The following MAP3K14 variants were observed in gnomAD, a reference collection of about 807,000 sequenced individuals.
MAP3K14 encodes mitogen-activated protein kinase kinase kinase 14, also known as NF-kappa-beta-inducing kinase.
MAP3K14 carries 16 observed loss-of-function variants against 99.2 expected under a neutral mutation model. That is an observed-to-expected ratio of 0.16 (90% CI 0.11 to 0.24). The LOEUF (loss-of-function observed/expected upper bound fraction) is 0.24, where lower values mean the gene tolerates loss of function less well. Ranked by LOEUF, MAP3K14 falls within the 10% of genes least tolerant of loss-of-function variation. The pLI is 1.00. For synonymous variants in MAP3K14, 462 were observed against 492.4 expected, an observed-to-expected ratio of 0.94 and a Z score of 0.82; for missense variants, 784 against 1,208.7, an observed-to-expected ratio of 0.65 and a Z score of 5.21.
At chr17:45,298,441 C>T (rs2044362110) in intron 1 of MAP3K14, among the ~76,000 whole-genome samples, 1 of 152,162 alleles carries the variant, frequency 6.6e-6, no homozygotes, top group South Asian at 2.1e-4. Context: ...CAGCTAGATG[C>T]TGACTAAAAG....
chr17:45,280,744 G>C (rs1234218803), intron 6 of MAP3K14, among the ~76,000 whole-genome samples: 1 of 151,146 alleles, frequency 6.6e-6, no homozygotes, highest in Non-Finnish European at 1.5e-5. Flanking sequence ...CGAGTAGTTA[G>C]TATTACAGGC....
intron 8 of MAP3K14, 40 bp from the exon 9 acceptor site, chr17:45,273,647 C>A: frequency 2.0e-6 from 3 of 1,511,906 alleles, no homozygotes; most frequent in Middle Eastern, 1.7e-4. Context: ...ACAGGTGAGT[C>A]ATGCCGGGTC....
intron 10 of MAP3K14, 54 bp downstream of exon 10, chr17:45,271,004 G>A: frequency 6.3e-7 from 1 of 1,581,888 alleles, no homozygotes; most frequent in Non-Finnish European, 8.6e-7. Context: ...CTGCAGCCTG[G>A]GCCCCAGGGC....
chr17:45,271,216 A>T lies in MAP3K14; in HGVS notation c.1663T>A (p.Tyr555Asn). The change falls in exon 10 of 16, where the codon TAC (tyrosine) becomes AAC (asparagine). Residue 555 changes from tyrosine (Y) to asparagine (N), a missense_variant. This residue lies in a region of MAP3K14 where 200 missense variants were observed against 367.9 expected (regional missense o/e 0.54). Coordinates refer to ENST00000344686, the MANE Select transcript of MAP3K14 (RefSeq NM_003954.5). ...ATGTGGGTCTCTGTGCCAGGGATGT[A>T]GTCCCCTGAGAAGGGGGATGAGACA... ...GLGKSLLTGD[Y>N]IPGTETHMAP... is the part of the protein sequence containing the mutation. 1 of 1,607,644 alleles carries T rather than the reference A, an allele frequency of 6.2e-7. No homozygotes were observed. Among genetic ancestry groups the T allele is most frequent in the African/African-American group, 1.3e-5 (1 of 74,640 alleles).
chr17:45,292,787 C>T (rs1459197276), intron 1 of MAP3K14, among the ~76,000 whole-genome samples: 1 of 152,200 alleles, frequency 6.6e-6, no homozygotes, highest in African/African-American at 2.4e-5. Flanking sequence ...AGTCTCCAAA[C>T]CTAACAGCAG....
chr17:45,268,426 A>AT (rs553463334), intron 11 of MAP3K14: 98 of 151,704 alleles, frequency 6.5e-4, no homozygotes, highest in African/African-American at 2.3e-3. Context: ...TTTTATTTTT[A>AT]TTTTTTTAAA....
rs549960630 is a variant in MAP3K14 at position 45,285,967 on chromosome 17, T to TA, written c.1152+463dup. On this transcript the variant is annotated intron_variant, in intron 5 of 15. Coordinates refer to ENST00000344686, the MANE Select transcript of MAP3K14 (RefSeq NM_003954.5). ...ACTCTGTCTCAAAAAACACATTTAT[T>TA]AAAAAAAAAAAAAAAAAGTGGATGG... is the stretch of plus-strand genomic sequence containing the variant. Among the ~76,000 whole-genome samples the TA allele has an allele frequency of 4.7e-3, 584 of 125,444 alleles. 2 individuals carry two copies. The highest frequency in any genetic ancestry group is 6.2e-3 in the Non-Finnish European group (350 of 56,348). The allele number at this position is 125,444 out of a possible 152,430, so 82.3% of individuals were successfully genotyped here. A position where few individuals can be genotyped will look rare whatever the true frequency, so the allele number is the denominator to read the frequency against.
At position 45,270,384 on chromosome 17, in the gene MAP3K14, C is replaced by T. The variant is rs553873223; in HGVS notation, c.1972+29G>A. 29 of 1,600,854 alleles carry T rather than the reference C, an allele frequency of 1.8e-5. No individual in the cohort carries two copies. The East Asian group carries it at 2.7e-4, about 15-fold the overall frequency. On this transcript the variant is annotated intron_variant, in intron 11 of 15. Coordinates refer to ENST00000344686, the MANE Select transcript of MAP3K14 (RefSeq NM_003954.5). ...CTGTCCACCTCTGTCTTCTGCCCCC[C>T]GGGTCAGCCAGCGTGGGGCTCTTCC... is the stretch of plus-strand genomic sequence containing the variant.
At chr17:45,280,662 T>G (rs1439767550) in intron 6 of MAP3K14, among the ~76,000 whole-genome samples, 2 of 151,654 alleles carry the variant, frequency 1.3e-5, no homozygotes, top group Admixed American at 6.6e-5. Flanking sequence ...CAGGCTGGAG[T>G]GCAGTGGTGT....
chr17:45,267,996 G>A lies in MAP3K14; in HGVS notation c.1973-237C>T, dbSNP rs1229859096. The A allele has an allele frequency of 2.2e-6, 1 of 461,010 alleles. No homozygotes were observed. The highest frequency in any genetic ancestry group is 3.8e-6 in the Non-Finnish European group (1 of 264,210). The allele number at this position is 461,010 out of a possible 1,614,324, so 28.6% of individuals were successfully genotyped here. On this transcript the variant is annotated intron_variant, in intron 11 of 15. Coordinates refer to ENST00000344686, the MANE Select transcript of MAP3K14 (RefSeq NM_003954.5). This position sits in a 1 kb window ranked among gnomAD's most constrained non-coding sequence, Gnocchi z 5.1. ...GGACTGGATTTCTGTCTTTGATTCT[G>A]TTTTTCTTCTAGGTATCAGTAGCAA... is the stretch of plus-strand genomic sequence containing the variant.
At chr17:45,282,554 C>CA (rs11452454) in intron 6 of MAP3K14, among the ~76,000 whole-genome samples, 64,227 of 123,338 alleles carry the variant, frequency 0.52, 16,184 homozygotes, top group Non-Finnish European at 0.55. Context: ...GATCCTGTCT[C>CA]AAAAAAAAAA....
chr17:45,265,074 A>G (rs1162558436), intron 15 of MAP3K14, 89 bp downstream of exon 15: 1 of 1,107,248 alleles, frequency 9.0e-7, no homozygotes, highest in Non-Finnish European at 1.4e-6. Context: ...GTGCCATTCT[A>G]CTTCTTTGAA....
At chr17:45,277,799 G>A (rs1314314496) in intron 6 of MAP3K14, among the ~76,000 whole-genome samples, 1 of 152,178 alleles carries the variant, frequency 6.6e-6, no homozygotes, top group Non-Finnish European at 1.5e-5. Context: ...GATCACGCAC[G>A]TGACATTCCC....
At position 45,289,313 on chromosome 17, in the gene MAP3K14, A is replaced by G; in HGVS notation, c.257-8T>C. 1 of 1,613,216 alleles carries G rather than the reference A, an allele frequency of 6.2e-7. No individual in the cohort carries two copies. Among genetic ancestry groups the G allele is most frequent in the South Asian group, 1.1e-5 (1 of 91,068 alleles). ...ACTCTTGGCTATTCTCACCTAAAGC[A>G]AAAGGAGTTGGATTAGCAGAGAGGA... is the stretch of plus-strand genomic sequence containing the variant. On this transcript the variant is annotated splice_polypyrimidine_tract_variant and splice_region_variant and intron_variant, in intron 2 of 15. Coordinates refer to ENST00000344686, the MANE Select transcript of MAP3K14 (RefSeq NM_003954.5).
At chr17:45,290,084 A>C (rs1034328136) in intron 2 of MAP3K14, among the ~76,000 whole-genome samples, 1 of 152,152 alleles carries the variant, frequency 6.6e-6, no homozygotes, top group Non-Finnish European at 1.5e-5. Flanking sequence ...GGGTGGGGCC[A>C]CCTCTAGGTG....
At chr17:45,266,970 T>G in intron 13 of MAP3K14, 122 bp downstream of exon 13, 1 of 779,944 alleles carries the variant, frequency 1.3e-6, no homozygotes, top group African/African-American at 1.7e-5. Context: ...CCCATCACCC[T>G]CCCTTTACCC....
At chr17:45,303,622 G>A (rs548759080) in intron 1 of MAP3K14, among the ~76,000 whole-genome samples, 47 of 151,954 alleles carry the variant, frequency 3.1e-4, no homozygotes, top group African/African-American at 1.0e-3. Context: ...AAACAAAATT[G>A]TATATAGAAA....
In MAP3K14 at chr17:45,286,451, C is replaced by T. The variant is rs2044264868; in HGVS notation, c.1132G>A (p.Glu378Lys). The T allele has an allele frequency of 2.5e-6, 4 of 1,599,106 alleles. No homozygotes were observed. The highest frequency in any genetic ancestry group is 2.6e-6 in the Non-Finnish European group (3 of 1,170,914). The change falls in exon 5 of 16, where the codon GAG (glutamate) becomes AAG (lysine). Residue 378 changes from glutamate to lysine, a missense_variant. By Grantham distance (56) the Glu-to-Lys change is moderately conservative. Transcript: ENST00000344686. This position sits in a 1 kb window ranked among gnomAD's most constrained non-coding sequence, Gnocchi z 4.1. ...GTTACCTCAGTGAGCAGGACACCCT[C>T]GTTGTCCTCAGTTTTGGGGCTGGGC... is the stretch of plus-strand genomic sequence containing the variant. ...REPSPKTEDNEGVLLTEKLKP... is the reference protein window; with the variant it reads ...REPSPKTEDNKGVLLTEKLKP...
intron 5 of MAP3K14, among the ~76,000 whole-genome samples, 159 bp from the exon 6 acceptor site, chr17:45,285,108 C>A (rs11574822): frequency 2.0e-5 from 3 of 152,066 alleles, no homozygotes; most frequent in Admixed American, 6.5e-5. Context: ...GGATCTGAGC[C>A]GGGCAGCACC....
Sources: allele counts gnomAD v4.1 joint callset (sites outside exome capture counted in the v4.1 genomes callset), GRCh38; gene constraint gnomAD v4.1.1; regional missense constraint gnomAD v4.1.1; non-coding constraint Gnocchi (gnomAD v3.1); transcripts MANE v1.5; gene names NCBI Gene and HGNC (gene_info 2026-07-23, HGNC 2026-07-21).